Variants in BCAS4 observed in about 807,000 individuals in gnomAD.
BCAS4 encodes breast carcinoma amplified sequence 4, also known as breast carcinoma-amplified sequence 4.
Under a neutral mutation model 15.7 loss-of-function variants are expected in BCAS4, and 9 were observed. The observed-to-expected ratio is 0.57, with a 90% CI of 0.34 to 1.00. The LOEUF (loss-of-function observed/expected upper bound fraction) is 1.00. BCAS4 is among the 50% of genes least tolerant of loss of function. BCAS4 has a pLI of 0.02. For missense variants in BCAS4, 225 were observed against 239.1 expected, an observed-to-expected ratio of 0.94 and a Z score of 0.39; for synonymous variants, 101 against 99.5, an observed-to-expected ratio of 1.02 and a Z score of -0.09.
At chr20:50,872,133 C>T (rs1048272588) in intron 4 of BCAS4, among the ~76,000 whole-genome samples, 11 of 151,680 alleles carry the variant, frequency 7.3e-5, no homozygotes, top group African/African-American at 1.9e-4. Flanking sequence ...TGGTGGTGGG[C>T]GCCTTTAGTA....
chr20:50,810,706 G>A (rs1011096918), intron 1 of BCAS4, among the ~76,000 whole-genome samples: 3 of 151,404 alleles, frequency 2.0e-5, no homozygotes, highest in Admixed American at 6.6e-5. Context: ...TTTTCCTGGC[G>A]CAGCCTCCCG....
At chr20:50,855,513 C>T (rs1032421207) in intron 4 of BCAS4, among the ~76,000 whole-genome samples, 1 of 152,090 alleles carries the variant, frequency 6.6e-6, no homozygotes, top group Non-Finnish European at 1.5e-5. Flanking sequence ...CCTTCGTGCC[C>T]CACCTCCACC....
intron 4 of BCAS4, among the ~76,000 whole-genome samples, chr20:50,866,438 G>T (rs1028510020): frequency 2.0e-5 from 3 of 152,224 alleles, no homozygotes; most frequent in African/African-American, 7.2e-5. Context: ...TGGCTGATGG[G>T]GCAGCTCACT....
At chr20:50,815,609 T>C (rs923511322) in intron 1 of BCAS4, among the ~76,000 whole-genome samples, 2 of 152,132 alleles carry the variant, frequency 1.3e-5, no homozygotes, top group Non-Finnish European at 2.9e-5. Flanking sequence ...CTCTCCCCTC[T>C]CCCCGACTGA....
At chr20:50,852,506 T>C (rs6096129) in intron 4 of BCAS4, among the ~76,000 whole-genome samples, 42,656 of 151,994 alleles carry the variant, frequency 0.28, 7,917 homozygotes, top group African/African-American at 0.53. Flanking sequence ...CTCAGCCTCC[T>C]AAGTAGCTGA....
At chr20:50,829,576 C>G (rs1436454255) in intron 2 of BCAS4, among the ~76,000 whole-genome samples, 1 of 152,054 alleles carries the variant, frequency 6.6e-6, no homozygotes, top group East Asian at 1.9e-4. Flanking sequence ...GAATATGTGG[C>G]CTTTTTTGCA....
intron 2 of BCAS4, among the ~76,000 whole-genome samples, chr20:50,819,166 G>T (rs1217668387): frequency 6.7e-6 from 1 of 150,158 alleles, no homozygotes; most frequent in Non-Finnish European, 1.5e-5. Context: ...CTGGGTGATA[G>T]ATCAAGATTG....
chr20:50,799,358 C>T (rs78718431), intron 1 of BCAS4, among the ~76,000 whole-genome samples: 7,348 of 152,248 alleles, frequency 0.048, 252 homozygotes, highest in African/African-American at 0.091. Context: ...CCACTGAAAG[C>T]ACTTGTTGAA....
At chr20:50,838,769 G>A (rs956628895) in intron 3 of BCAS4, among the ~76,000 whole-genome samples, 9 of 152,090 alleles carry the variant, frequency 5.9e-5, no homozygotes, top group Non-Finnish European at 5.9e-5. Flanking sequence ...GCTTGAACTC[G>A]GGAGGCAGAG....
intron 1 of BCAS4, among the ~76,000 whole-genome samples, chr20:50,811,914 T>G (rs2088068628): frequency 6.6e-6 from 1 of 152,156 alleles, no homozygotes; most frequent in Non-Finnish European, 1.5e-5. Flanking sequence ...TGAGCCACTG[T>G]GCCCAGCCTG....
At chr20:50,798,076 A>C (rs777554504) in intron 1 of BCAS4, among the ~76,000 whole-genome samples, 1 of 151,856 alleles carries the variant, frequency 6.6e-6, no homozygotes, top group Non-Finnish European at 1.5e-5. Flanking sequence ...CAGGCGGATC[A>C]CTTGAGGCCA....
intron 2 of BCAS4, among the ~76,000 whole-genome samples, chr20:50,828,326 A>G (rs913613056): frequency 6.6e-6 from 1 of 152,084 alleles, no homozygotes; most frequent in African/African-American, 2.4e-5. Flanking sequence ...TTTTAGACGT[A>G]CAGGGCAATG....
intron 1 of BCAS4, among the ~76,000 whole-genome samples, chr20:50,810,865 C>G (rs764071245): frequency 6.6e-6 from 1 of 151,990 alleles, no homozygotes; most frequent in African/African-American, 2.4e-5. Context: ...GCTGGGATTA[C>G]AGGTGTGAGC....
Position 50,816,400 on chromosome 20 carries a change from C to T in BCAS4, c.91-1811C>T, listed in dbSNP as rs537252663. Among the ~76,000 whole-genome samples the T allele has an allele frequency of 1.7e-4, 26 of 152,300 alleles. No individual in the cohort carries two copies. In the South Asian group the frequency reaches 4.6e-3, roughly 27 times the overall value. On this transcript the variant is annotated intron_variant, in intron 1 of 4. Coordinates refer to ENST00000371608, the MANE Select transcript of BCAS4 (RefSeq NM_198799.4). ...TACACTGGCAGGCCCTCTGCACGTT[C>T]GTTATTGGCTTAATTTGTGAAGCAT...
intron 4 of BCAS4, among the ~76,000 whole-genome samples, chr20:50,859,549 A>AAGAGGGCCTGGGGACAAGGAGTTCAGGC (rs141192607): frequency 0.093 from 14,160 of 151,942 alleles, 1,190 homozygotes; most frequent in East Asian, 0.23. Context: ...GGGAGGGAAG[A>AAGAGGGCCTGGGGACAAGGAGTTCAGGC]AGTGGAGGGA....
chr20:50,828,227 A>G (rs2088302151), intron 2 of BCAS4, among the ~76,000 whole-genome samples: 1 of 151,776 alleles, frequency 6.6e-6, no homozygotes. Flanking sequence ...CCCTGAGGAC[A>G]CTGGACACCT....
chr20:50,794,995 T>C (rs1479577930), upstream of BCAS4: 11 of 1,318,702 alleles, frequency 8.3e-6, no homozygotes, highest in Admixed American at 2.5e-4. Flanking sequence ...CCGCGGGGCA[T>C]GCAGCGGACC....
intron 1 of BCAS4, among the ~76,000 whole-genome samples, chr20:50,806,543 G>A (rs2087991506): frequency 6.6e-6 from 1 of 152,234 alleles, no homozygotes; most frequent in Admixed American, 6.5e-5. Flanking sequence ...CACCCTGGCA[G>A]TCCAGTATGG....
intron 1 of BCAS4, among the ~76,000 whole-genome samples, chr20:50,806,413 T>C (rs759658333): frequency 2.6e-5 from 4 of 152,212 alleles, no homozygotes; most frequent in Non-Finnish European, 5.9e-5. Context: ...CAGTGAATAT[T>C]CATGAGCACT....
Sources: gnomAD v4.1 joint callset for allele counts (sites outside exome capture counted in the v4.1 genomes callset) on GRCh38, gnomAD v4.1.1 for gene constraint, MANE v1.5 for transcripts, NCBI Gene and HGNC (gene_info 2026-07-23, HGNC 2026-07-21) for gene names.